KCNA1: variants seen among roughly 807,000 people sequenced by gnomAD.
KCNA1 encodes potassium voltage-gated channel subfamily A member 1, also known as potassium channel, voltage gated shaker related subfamily A, member 1.
A neutral mutation model predicts 28.8 loss-of-function variants in KCNA1; 19 were observed. That is an observed-to-expected ratio of 0.66 (90% confidence interval 0.46 to 0.97). The LOEUF is 0.97. KCNA1 is among the 50% of genes least tolerant of loss of function. The pLI is 0.00. For synonymous variants in KCNA1, 311 were observed against 268.8 expected (o/e 1.16, Z -1.53); for missense variants, 419 against 659.7 (o/e 0.64, Z 4.00).
rs754962797 is a variant in KCNA1, at chr12:4,912,906, C to T, written c.*40C>T. The T allele has an allele frequency of 7.2e-7, 1 of 1,390,916 alleles. No homozygotes were observed. The highest frequency in any genetic ancestry group is 1.0e-6 in the Non-Finnish European group (1 of 977,378). The allele number at this position is 1,390,916 out of a possible 1,614,324, so 86.2% of individuals were successfully genotyped here. A position where few individuals can be genotyped will look rare whatever the true frequency, so the allele number is the denominator to read the frequency against. On this transcript the variant is annotated 3_prime_UTR_variant, in exon 2 of 2. Transcript: ENST00000382545. ...CAAACAAAAAAGCCCCACTTAGCAG[C>T]TCAAAAGACTTAAAAAACAAAACAG...
rs1285242520 is a variant in KCNA1, at chr12:4,910,492, G to A, written c.-540+20G>A. 1 of 152,406 alleles carries A rather than the reference G, an allele frequency of 6.6e-6. No homozygotes were observed. The highest frequency in any genetic ancestry group is 1.5e-5 in the Non-Finnish European group (1 of 68,240). The allele number at this position is 152,406 out of a possible 1,614,324, so 9.4% of individuals were successfully genotyped here. ...GGCCAGGTAGGGGGTTCCCCAGCTC[G>A]GGGATGCAGAAGCGGGGGTTGGGGG... On this transcript the variant is annotated intron_variant, in intron 1 of 1. Coordinates refer to ENST00000382545, the MANE Select transcript of KCNA1 (RefSeq NM_000217.3). This position sits in a 1 kb window ranked among gnomAD's most constrained non-coding sequence, Gnocchi z 4.9.
rs1296659074 is a variant in KCNA1 at position 4,914,270 on chromosome 12, T to A, written c.*1404T>A. 6.0e-6 allele frequency: 1 copy of A among 167,040 alleles called. No individual in the cohort carries two copies. Among genetic ancestry groups the A allele is most frequent in the East Asian group, 1.9e-4 (1 of 5,198 alleles). The allele number at this position is 167,040 out of a possible 1,614,324, so 10.3% of individuals were successfully genotyped here. A position where few individuals can be genotyped will look rare whatever the true frequency, so the allele number is the denominator to read the frequency against. On this transcript the variant is annotated 3_prime_UTR_variant, in exon 2 of 2. Transcript: ENST00000382545. ...ATATAGCAACACCTAAGAACAAGTA[T>A]TCTTTCTAGCTGAAGACAAACACAA...
chr12:4,911,466 C>A lies in KCNA1; in HGVS notation c.88C>A (p.His30Asn), dbSNP rs1947351077. ...TGGCAGCTACCCCCGGCAGGCCGAC[C>A]ACGACGACCACGAGTGCTGCGAGCG... is the stretch of plus-strand genomic sequence containing the variant. ...QDGSYPRQAD[H>N]DDHECCERVV... Residue 30 changes from histidine to asparagine, a missense_variant, in exon 2 of 2, where the codon CAC becomes AAC. By Grantham distance (68) the His-to-Asn change is moderately conservative. Coordinates refer to ENST00000382545, the MANE Select transcript of KCNA1 (RefSeq NM_000217.3). This position sits in a 1 kb window ranked among gnomAD's most constrained non-coding sequence, Gnocchi z 6.6. 1.9e-6 allele frequency: 3 copies of A among 1,614,002 alleles called. No individual in the cohort carries two copies. Among genetic ancestry groups the A allele is most frequent in the South Asian group, 1.1e-5 (1 of 91,074 alleles).
Position 4,912,706 on chromosome 12 carries a change from G to A in KCNA1, c.1328G>A (p.Arg443His), listed in dbSNP as rs139383685. Reference protein sequence around the residue: ...PNLASDSDLSRRSSSTMSKSE... With the variant: ...PNLASDSDLSHRSSSTMSKSE... ...TTAGCCTCTGACAGTGACCTCAGTC[G>A]CCGCAGTTCCTCTACTATGAGCAAG... is the stretch of plus-strand genomic sequence containing the variant. The change falls in exon 2 of 2, where the codon CGC becomes CAC. Residue 443 changes from arginine (R) to histidine (H), a missense_variant. By Grantham distance (29) the Arg-to-His change is conservative. Transcript: ENST00000382545. 6 of 1,612,756 alleles carry A rather than the reference G, an allele frequency of 3.7e-6. No individual in the cohort carries two copies. The African/African-American group carries it at 5.4e-5, about 14-fold the overall frequency.
chr12:4,913,032 G>A lies in KCNA1; in HGVS notation c.*166G>A. On this transcript the variant is annotated 3_prime_UTR_variant, in exon 2 of 2. Coordinates refer to ENST00000382545, the MANE Select transcript of KCNA1 (RefSeq NM_000217.3). ...GCGTTGTTGCATTGAGGATTTTGGG[G>A]GTGGTGAACCAGAAGCTTTCAAGAT... 1 of 655,868 alleles carries A rather than the reference G, an allele frequency of 1.5e-6. No individual in the cohort carries two copies. Among genetic ancestry groups the A allele is most frequent in the Admixed American group, 2.7e-5 (1 of 36,596 alleles). The allele number at this position is 655,868 out of a possible 1,614,324, so 40.6% of individuals were successfully genotyped here. A position where few individuals can be genotyped will look rare whatever the true frequency, so the allele number is the denominator to read the frequency against.
Position 4,912,917 on chromosome 12 carries a change from TAAAA to T in KCNA1, c.*54_*57del. On this transcript the variant is annotated 3_prime_UTR_variant, in exon 2 of 2. Coordinates refer to ENST00000382545, the MANE Select transcript of KCNA1 (RefSeq NM_000217.3). ...GCCCCACTTAGCAGCTCAAAAGACT[TAAAA>T]AACAAAACAGAAAACCTAGTGACTC... 7.7e-7 allele frequency: 1 copy of T among 1,304,064 alleles called. No individual in the cohort carries two copies. The highest frequency in any genetic ancestry group is 1.2e-5 in the South Asian group (1 of 84,482). 80.8% of individuals were successfully genotyped at this position (1,304,064 alleles called of 1,614,324 possible). A position where few individuals can be genotyped will look rare whatever the true frequency, so the allele number is the denominator to read the frequency against.
rs1208305606 is a variant in KCNA1, at chr12:4,915,553, C to G, written c.*2687C>G. The G allele has an allele frequency of 6.0e-6, 1 of 167,160 alleles. No individual in the cohort carries two copies. Among genetic ancestry groups the G allele is most frequent in the Non-Finnish European group, 1.5e-5 (1 of 68,144 alleles). The allele number at this position is 167,160 out of a possible 1,614,324, so 10.4% of individuals were successfully genotyped here. On this transcript the variant is annotated 3_prime_UTR_variant, in exon 2 of 2. Transcript: ENST00000382545. ...AGATGAGGGGCCAAGAACTGCGCAG[C>G]ATCCGACTACAGGGCATTAAACCCT...
rs1376226820 is a variant in KCNA1 at position 4,916,237 on chromosome 12, T to G, written c.*3371T>G. 6.0e-6 allele frequency: 1 copy of G among 167,066 alleles called. No individual in the cohort carries two copies. Among genetic ancestry groups the G allele is most frequent in the Non-Finnish European group, 1.5e-5 (1 of 68,134 alleles). The allele number at this position is 167,066 out of a possible 1,614,324, so 10.3% of individuals were successfully genotyped here. ...TTCTTCCCCTTCCTAGGCATGGAGC[T>G]GTAACAGCTCATGTCCTGACTATGT... is the stretch of plus-strand genomic sequence containing the variant. On this transcript the variant is annotated 3_prime_UTR_variant, in exon 2 of 2. Transcript: ENST00000382545.
rs1209995105 is a variant in KCNA1, at chr12:4,917,203, T to A, written c.*4337T>A. On this transcript the variant is annotated 3_prime_UTR_variant, in exon 2 of 2. Transcript: ENST00000382545. ...GAAGTCTTTTGATGTTTATGTTCAT[T>A]TTAAGAAGACAAACAAACTAAAATT... 1.8e-5 allele frequency: 3 copies of A among 167,098 alleles called. No individual in the cohort carries two copies. The highest frequency in any genetic ancestry group is 4.4e-5 in the Non-Finnish European group (3 of 68,132). 10.4% of individuals were successfully genotyped at this position (167,098 alleles called of 1,614,324 possible).
At position 4,911,782 on chromosome 12, in the gene KCNA1, G is replaced by C. The variant is rs1947353268; in HGVS notation, c.404G>C (p.Gly135Ala). The change falls in exon 2 of 2, where the codon GGC becomes GCC. Residue 135 changes from glycine to alanine, a missense_variant. Physicochemically the swap from Gly to Ala is moderately conservative, Grantham distance 60 (BLOSUM62 0). This residue lies in a region of KCNA1 where 217 missense variants were observed against 329.6 expected (regional missense o/e 0.66). Transcript: ENST00000382545. This position sits in a 1 kb window ranked among gnomAD's most constrained non-coding sequence, Gnocchi z 6.6. ...EAMEKFREDE[G>A]FIKEEERPLP... ...ATGGAGAAGTTCCGGGAGGACGAGG[G>C]CTTCATCAAGGAGGAGGAGCGCCCT... 1 of 1,613,896 alleles carries C rather than the reference G, an allele frequency of 6.2e-7. No individual in the cohort carries two copies. Among genetic ancestry groups the C allele is most frequent in the African/African-American group, 1.3e-5 (1 of 74,894 alleles).
rs1247124215 is a variant in KCNA1 at position 4,911,356 on chromosome 12, C to T, written c.-23C>T. On this transcript the variant is annotated 5_prime_UTR_variant, in exon 2 of 2. Coordinates refer to ENST00000382545, the MANE Select transcript of KCNA1 (RefSeq NM_000217.3). This position sits in a 1 kb window ranked among gnomAD's most constrained non-coding sequence, Gnocchi z 6.6. ...CACCCCGGGCTCTCTCCTGGCCTCC[C>T]ACCCCCGCGCCCGGCTTCCACCATG... The T allele has an allele frequency of 6.2e-6, 10 of 1,608,840 alleles. No homozygotes were observed. Among genetic ancestry groups the T allele is most frequent in the Admixed American group, 1.7e-5 (1 of 59,824 alleles).
In KCNA1 at chr12:4,911,751, G is replaced by C; in HGVS notation, c.373G>C (p.Glu125Gln). Residue 125 changes from glutamate to glutamine, a missense_variant, in exon 2 of 2, where the codon GAG becomes CAG. By Grantham distance (29) the Glu-to-Gln change is conservative. Around this residue, in one of 4 missense-constraint regions of KCNA1, gnomAD observed 217 missense variants for 329.6 expected, o/e 0.66. Coordinates refer to ENST00000382545, the MANE Select transcript of KCNA1 (RefSeq NM_000217.3). The surrounding 1 kb of genome is among the most constrained non-coding windows in gnomAD (Gnocchi z 6.6). ...GATCAAGTTTTACGAGTTGGGCGAG[G>C]AGGCCATGGAGAAGTTCCGGGAGGA... ...EEIKFYELGE[E>Q]AMEKFREDEG... 1 of 1,614,100 alleles carries C rather than the reference G, an allele frequency of 6.2e-7. No homozygotes were observed. The highest frequency in any genetic ancestry group is 8.5e-7 in the Non-Finnish European group (1 of 1,180,012).
chr12:4,911,740 A>C lies in KCNA1; in HGVS notation c.362A>C (p.Glu121Ala). Residue 121 changes from glutamate to alanine, a missense_variant, in exon 2 of 2, where the codon GAG (glutamate) becomes GCG (alanine). Transcript: ENST00000382545. This position sits in a 1 kb window ranked among gnomAD's most constrained non-coding sequence, Gnocchi z 6.6. ...DMFSEEIKFYELGEEAMEKFR... is the reference protein window; with the variant it reads ...DMFSEEIKFYALGEEAMEKFR... ...TTCTCCGAGGAGATCAAGTTTTACG[A>C]GTTGGGCGAGGAGGCCATGGAGAAG... is the stretch of plus-strand genomic sequence containing the variant. 1 of 1,614,058 alleles carries C rather than the reference A, an allele frequency of 6.2e-7. No homozygotes were observed. Among genetic ancestry groups the C allele is most frequent in the Non-Finnish European group, 8.5e-7 (1 of 1,180,010 alleles).
chr12:4,912,506 T>A lies in KCNA1; in HGVS notation c.1128T>A (p.Gly376=). 1 of 1,613,864 alleles carries A rather than the reference T, an allele frequency of 6.2e-7. No individual in the cohort carries two copies. Among genetic ancestry groups the A allele is most frequent in the Non-Finnish European group, 8.5e-7 (1 of 1,179,954 alleles). ...TGTCCATGACCACTGTAGGATACGG[T>A]GACATGTACCCTGTGACAATTGGAG... The part of the protein sequence containing the change: ...AVVSMTTVGY[G]DMYPVTIGGK... The change falls in exon 2 of 2, where the codon GGT becomes GGA. Residue 376 remains glycine (G), a synonymous_variant. Coordinates refer to ENST00000382545, the MANE Select transcript of KCNA1 (RefSeq NM_000217.3).
At position 4,914,280 on chromosome 12, in the gene KCNA1, C is replaced by T. The variant is rs963593023; in HGVS notation, c.*1414C>T. ...ACCTAAGAACAAGTATTCTTTCTAGCTGAAGACAAACACAAGCAACACAAA... is the reference window on the plus strand; with the variant it reads ...ACCTAAGAACAAGTATTCTTTCTAGTTGAAGACAAACACAAGCAACACAAA... On this transcript the variant is annotated 3_prime_UTR_variant, in exon 2 of 2. Transcript: ENST00000382545. 6.0e-6 allele frequency: 1 copy of T among 166,968 alleles called. No homozygotes were observed. Among genetic ancestry groups the T allele is most frequent in the African/African-American group, 2.4e-5 (1 of 41,432 alleles). 10.3% of individuals were successfully genotyped at this position (166,968 alleles called of 1,614,324 possible).
At position 4,911,149 on chromosome 12, in the gene KCNA1, C is replaced by A; in HGVS notation, c.-230C>A. ...CCTCTGCAAAAAGCTGCACCCGGCCCGCAGGCGAGGGGGATTCCAAACTGA... is the reference window on the plus strand; with the variant it reads ...CCTCTGCAAAAAGCTGCACCCGGCCAGCAGGCGAGGGGGATTCCAAACTGA... On this transcript the variant is annotated 5_prime_UTR_variant, in exon 2 of 2. Coordinates refer to ENST00000382545, the MANE Select transcript of KCNA1 (RefSeq NM_000217.3). This position sits in a 1 kb window ranked among gnomAD's most constrained non-coding sequence, Gnocchi z 6.6. The A allele has an allele frequency of 1.7e-6, 1 of 597,302 alleles. No homozygotes were observed. The allele number at this position is 597,302 out of a possible 1,614,324, so 37.0% of individuals were successfully genotyped here.
rs1267284744 is a variant in KCNA1, at chr12:4,910,941, T to TCTGC, written c.-436_-433dup. 1.0e-5 allele frequency: 2 copies of TCTGC among 194,826 alleles called. No individual in the cohort carries two copies. Among genetic ancestry groups the TCTGC allele is most frequent in the African/African-American group, 4.8e-5 (2 of 41,604 alleles). The allele number at this position is 194,826 out of a possible 1,614,324, so 12.1% of individuals were successfully genotyped here. On this transcript the variant is annotated 5_prime_UTR_variant, in exon 2 of 2. Coordinates refer to ENST00000382545, the MANE Select transcript of KCNA1 (RefSeq NM_000217.3). The surrounding 1 kb of genome is among the most constrained non-coding windows in gnomAD (Gnocchi z 4.9). ...GCAGAGAGGGTGGCAGGCGTGGGGA[T>TCTGC]CTGCCGAGCCGGCACTGCACCGGGT...
In KCNA1 at chr12:4,911,486, C is replaced by T; in HGVS notation, c.108C>T (p.Cys36=). The part of the protein sequence containing the change: ...RQADHDDHEC[C]ERVVINISGL... ...CCGACCACGACGACCACGAGTGCTGCGAGCGCGTGGTGATCAACATCTCCG... is the reference window on the plus strand; with the variant it reads ...CCGACCACGACGACCACGAGTGCTGTGAGCGCGTGGTGATCAACATCTCCG... Residue 36 remains cysteine, a synonymous_variant, in exon 2 of 2, where the codon TGC becomes TGT. Coordinates refer to ENST00000382545, the MANE Select transcript of KCNA1 (RefSeq NM_000217.3). This position sits in a 1 kb window ranked among gnomAD's most constrained non-coding sequence, Gnocchi z 6.6. 6.2e-7 allele frequency: 1 copy of T among 1,614,112 alleles called. No individual in the cohort carries two copies. The highest frequency in any genetic ancestry group is 8.5e-7 in the Non-Finnish European group (1 of 1,180,026).
At position 4,911,025 on chromosome 12, in the gene KCNA1, G is replaced by C. The variant is rs549601696; in HGVS notation, c.-354G>C. ...GGGCGACCCCCGAAGCAATGGCCCA[G>C]TCCGCTAGAACGGCACTGCGTTAAG... On this transcript the variant is annotated 5_prime_UTR_variant, in exon 2 of 2. Transcript: ENST00000382545. This position sits in a 1 kb window ranked among gnomAD's most constrained non-coding sequence, Gnocchi z 6.6. The C allele has an allele frequency of 1.6e-4, 54 of 330,258 alleles. No individual in the cohort carries two copies. Among genetic ancestry groups the C allele is most frequent in the African/African-American group, 1.1e-3 (50 of 46,502 alleles). 20.5% of individuals were successfully genotyped at this position (330,258 alleles called of 1,614,324 possible). A position where few individuals can be genotyped will look rare whatever the true frequency, so the allele number is the denominator to read the frequency against.
Sources: allele counts gnomAD v4.1 joint callset, GRCh38; gene constraint gnomAD v4.1.1; regional missense constraint gnomAD v4.1.1; non-coding constraint Gnocchi (gnomAD v3.1); transcripts MANE v1.5; gene names NCBI Gene and HGNC (gene_info 2026-07-23, HGNC 2026-07-21).